UBE2E3: variants seen among roughly 807,000 people sequenced by gnomAD.
UBE2E3 encodes ubiquitin-conjugating enzyme E2 E3.
A neutral mutation model predicts 23.6 loss-of-function variants in UBE2E3; 5 were observed. The ratio of observed to expected loss-of-function variants is 0.21; its 90% CI spans 0.11 to 0.44. The LOEUF (loss-of-function observed/expected upper bound fraction) is 0.44, where lower values mean the gene tolerates loss of function less well. UBE2E3 is among the 20% of genes least tolerant of loss of function. UBE2E3 has a pLI of 0.99. For missense variants in UBE2E3, 81 were observed against 249.8 expected (o/e 0.32, Z 4.55); for synonymous variants, 78 against 87.5 (o/e 0.89, Z 0.60).
chr2:181,051,586 A>T (rs940043513), intron 3 of UBE2E3, among the ~76,000 whole-genome samples: 4 of 151,832 alleles, frequency 2.6e-5, no homozygotes, highest in African/African-American at 9.7e-5. Context: ...CTGAGATGCT[A>T]ACTTGATAGC....
intron 2 of UBE2E3, among the ~76,000 whole-genome samples, chr2:180,982,629 C>G (rs1459358580): frequency 6.6e-6 from 1 of 152,138 alleles, no homozygotes; most frequent in Non-Finnish European, 1.5e-5. Flanking sequence ...TGCCTCTCTT[C>G]ATGAAACTTA....
At chr2:180,994,957 A>G (rs1026117391) in intron 3 of UBE2E3, among the ~76,000 whole-genome samples, 4 of 152,194 alleles carry the variant, frequency 2.6e-5, no homozygotes, top group Admixed American at 1.3e-4. Flanking sequence ...ATTAAATCGT[A>G]ACTGCATAAA....
chr2:180,988,853 T>C (rs1684564001), intron 3 of UBE2E3, among the ~76,000 whole-genome samples: 1 of 152,148 alleles, frequency 6.6e-6, no homozygotes, highest in South Asian at 2.1e-4. Context: ...GTTTTAGTGT[T>C]TGCTACAAGA....
chr2:181,039,616 C>G (rs1438395284), intron 3 of UBE2E3, among the ~76,000 whole-genome samples: 1 of 151,646 alleles, frequency 6.6e-6, no homozygotes, highest in East Asian at 1.9e-4. Context: ...TACAAAAAAA[C>G]AAGTGTACAA....
Position 180,990,113 on chromosome 2 carries a change from T to G in UBE2E3, c.245+6020T>G, listed in dbSNP as rs1684610761. On this transcript the variant is annotated intron_variant, in intron 3 of 5. Transcript: ENST00000410062. Reference sequence around the variant, plus strand: ...CTGAAACATCTTCAAACTTTTAACCTTTCTTTTGCCTTTTGATCAGTGGTT... The same window carrying G: ...CTGAAACATCTTCAAACTTTTAACCGTTCTTTTGCCTTTTGATCAGTGGTT... 4.2e-6 allele frequency: 4 copies of G among 957,132 alleles called. No individual in the cohort carries two copies. The Admixed American group carries it at 1.2e-4, about 28-fold the overall frequency. 59.3% of individuals were successfully genotyped at this position (957,132 alleles called of 1,614,324 possible). A position where few individuals can be genotyped will look rare whatever the true frequency, so the allele number is the denominator to read the frequency against.
At chr2:180,987,485 T>C (rs1452842767) in intron 3 of UBE2E3, 39 of 1,421,284 alleles carry the variant, frequency 2.7e-5, no homozygotes, top group Non-Finnish European at 3.6e-5. Context: ...TATGTTCAGA[T>C]TGAATCTATA....
rs1371722141 is a variant in UBE2E3, at chr2:181,057,765, A to G, written c.318A>G (p.Glu106=). 3.1e-6 allele frequency: 5 copies of G among 1,611,676 alleles called. No homozygotes were observed. The highest frequency in any genetic ancestry group is 2.5e-6 in the Non-Finnish European group (3 of 1,178,566). ...TILGPPGSVY[E]GGVFFLDITF... ...TTGGTCCACCGGGTTCTGTATATGA[A>G]GGTGGTGTGTTTTTTCTGGATATCA... is the stretch of plus-strand genomic sequence containing the variant. The change falls in exon 4 of 6, where the codon GAA becomes GAG. Residue 106 remains glutamate, a synonymous_variant. Coordinates refer to ENST00000410062, the MANE Select transcript of UBE2E3 (RefSeq NM_006357.4).
intron 3 of UBE2E3, among the ~76,000 whole-genome samples, chr2:181,022,262 G>A (rs976051487): frequency 1.3e-5 from 2 of 151,336 alleles, no homozygotes; most frequent in Admixed American, 1.3e-4. Flanking sequence ...AATAAGATTA[G>A]TATTATTGCT....
intron 1 of UBE2E3, 60 bp from the exon 2 acceptor site, chr2:180,981,958 T>A (rs1010858815): frequency 2.6e-5 from 32 of 1,246,904 alleles, no homozygotes; most frequent in Non-Finnish European, 3.4e-5. Context: ...AAGAAAATGC[T>A]GTTGGTTTAT....
intron 3 of UBE2E3, among the ~76,000 whole-genome samples, chr2:180,999,654 A>G (rs1166209502): frequency 6.6e-6 from 1 of 151,862 alleles, no homozygotes; most frequent in East Asian, 1.9e-4. Flanking sequence ...AAAAAAAAAG[A>G]AAACCAAAAT....
intron 2 of UBE2E3, among the ~76,000 whole-genome samples, chr2:180,983,082 T>C (rs753935982): frequency 5.9e-5 from 9 of 152,246 alleles, no homozygotes; most frequent in Non-Finnish European, 1.0e-4. Flanking sequence ...CCACAAACTC[T>C]AGTAATTATA....
At chr2:180,990,692 C>G (rs1684629515) in intron 3 of UBE2E3, among the ~76,000 whole-genome samples, 2 of 152,160 alleles carry the variant, frequency 1.3e-5, no homozygotes, top group Non-Finnish European at 2.9e-5. Flanking sequence ...CCTGCGTGAT[C>G]TAGCTTTAGG....
chr2:181,014,331 A>G (rs1357500073), intron 3 of UBE2E3, among the ~76,000 whole-genome samples: 5 of 152,210 alleles, frequency 3.3e-5, no homozygotes, highest in African/African-American at 1.2e-4. Context: ...TTTCATTCTG[A>G]TACAACTCAG....
At chr2:181,039,103 C>G (rs1686391996) in intron 3 of UBE2E3, among the ~76,000 whole-genome samples, 1 of 149,226 alleles carries the variant, frequency 6.7e-6, no homozygotes, top group African/African-American at 2.5e-5. Flanking sequence ...GTCCTAACCT[C>G]CAGTACCTCA....
intron 3 of UBE2E3, among the ~76,000 whole-genome samples, chr2:181,057,404 C>G (rs1009678383): frequency 1.3e-5 from 2 of 151,648 alleles, no homozygotes; most frequent in Non-Finnish European, 2.9e-5. Flanking sequence ...GTGTGTGTTT[C>G]GGGAGAGAGA....
chr2:180,996,774 A>G (rs1387842603), intron 3 of UBE2E3, among the ~76,000 whole-genome samples: 3 of 152,186 alleles, frequency 2.0e-5, no homozygotes, highest in South Asian at 2.1e-4. Flanking sequence ...TGAGTAATAT[A>G]TAATAATTTG....
At chr2:181,058,697 A>T (rs1378584907) in intron 4 of UBE2E3, among the ~76,000 whole-genome samples, 2 of 150,288 alleles carry the variant, frequency 1.3e-5, no homozygotes, top group African/African-American at 4.9e-5. Flanking sequence ...GTTGCAGTCT[A>T]TACCATTTAA....
chr2:180,987,253 TCC>T, intron 3 of UBE2E3: 2 of 1,437,964 alleles, frequency 1.4e-6, no homozygotes, highest in Non-Finnish European at 1.9e-6. Context: ...TATGGGCATT[TCC>T]CTATTTGTAT....
intron 3 of UBE2E3, among the ~76,000 whole-genome samples, chr2:181,039,197 G>C (rs1236238524): frequency 4.8e-5 from 7 of 145,008 alleles, no homozygotes; most frequent in Non-Finnish European, 7.4e-5. Context: ...TGGGGTGGTG[G>C]ATATGCTCTA....
Sources: allele counts gnomAD v4.1 joint callset (sites outside exome capture counted in the v4.1 genomes callset), GRCh38; gene constraint gnomAD v4.1.1; transcripts MANE v1.5; gene names NCBI Gene and HGNC (gene_info 2026-07-23, HGNC 2026-07-21).